HCRTR2: variants seen among roughly 807,000 people sequenced by gnomAD.
HCRTR2 encodes the protein orexin receptor type 2.
HCRTR2 carries 22 observed loss-of-function variants against 49.0 expected under a neutral mutation model. The observed-to-expected ratio is 0.45, with a 90% confidence interval of 0.32 to 0.64. The LOEUF (loss-of-function observed/expected upper bound fraction) is 0.64, where lower values mean the gene tolerates loss of function less well. Among genes scored for constraint, HCRTR2 ranks in the 30% least tolerant of loss-of-function variants. The probability of loss-of-function intolerance (pLI) is 0.04; values close to 1 mark genes in which losing one functional copy is unlikely to be tolerated. For synonymous variants in HCRTR2, 236 were observed against 205.3 expected (o/e 1.15, Z -1.28); for missense variants, 491 against 559.4 (o/e 0.88, Z 1.23).
chr6:55,210,124 T>A (rs1259734427), intron 1 of HCRTR2, among the ~76,000 whole-genome samples: 1 of 152,176 alleles, frequency 6.6e-6, no homozygotes, highest in Non-Finnish European at 1.5e-5. Context: ...AAACTCAGTA[T>A]GGCCACTTTT....
chr6:55,186,271 C>T (rs1310163154), intron 1 of HCRTR2, among the ~76,000 whole-genome samples: 1 of 152,094 alleles, frequency 6.6e-6, no homozygotes, highest in Non-Finnish European at 1.5e-5. Context: ...CATATAAGTA[C>T]ATTTTTTAAA....
chr6:55,217,353 C>T (rs575181584), intron 1 of HCRTR2, among the ~76,000 whole-genome samples: 43 of 152,326 alleles, frequency 2.8e-4, no homozygotes, highest in African/African-American at 1.0e-3. Flanking sequence ...CTTTTCAAAT[C>T]ATTTTGCTGT....
chr6:55,144,287 T>C (rs1056121868), intron 1 of HCRTR2, among the ~76,000 whole-genome samples: 1 of 150,126 alleles, frequency 6.7e-6, no homozygotes, highest in African/African-American at 2.5e-5. Flanking sequence ...TAATTTTGTA[T>C]TTTTTTTTAG....
rs1283986247 is a variant in HCRTR2 at position 55,277,569 on chromosome 6, C to G, written c.952C>G (p.Leu318Val). 1 of 1,613,292 alleles carries G rather than the reference C, an allele frequency of 6.2e-7. No homozygotes were observed. The change falls in exon 5 of 7, where the codon CTA (leucine) becomes GTA (valine). Residue 318 changes from leucine to valine, a missense_variant. Physicochemically the swap from Leu to Val is conservative, Grantham distance 32. Coordinates refer to ENST00000370862, the MANE Select transcript of HCRTR2 (RefSeq NM_001384272.1). ...GCTTTTGGTATTTGCAATTTGCTAT[C>G]TACCAATTAGCATCCTCAATGTGCT... The part of the protein sequence containing the change: ...IVLLVFAICY[L>V]PISILNVLKR...
At chr6:55,256,641 A>G (rs1255976639) in intron 3 of HCRTR2, among the ~76,000 whole-genome samples, 1 of 150,922 alleles carries the variant, frequency 6.6e-6, no homozygotes, top group Non-Finnish European at 1.5e-5. Flanking sequence ...TTTTTGCTGT[A>G]TTTTTCTCTG....
intron 1 of HCRTR2, among the ~76,000 whole-genome samples, chr6:55,118,655 G>A (rs1447764638): frequency 6.6e-6 from 1 of 151,678 alleles, no homozygotes; most frequent in Non-Finnish European, 1.5e-5. Context: ...TGATTATTGA[G>A]GATGAGCTTT....
intron 1 of HCRTR2, among the ~76,000 whole-genome samples, chr6:55,131,809 G>C (rs1764358221): frequency 6.6e-6 from 1 of 151,688 alleles, no homozygotes; most frequent in South Asian, 2.1e-4. Context: ...TTAAGTATTT[G>C]TCATGCCAAT....
At chr6:55,151,489 G>A (rs1764664149) in intron 1 of HCRTR2, among the ~76,000 whole-genome samples, 1 of 151,898 alleles carries the variant, frequency 6.6e-6, no homozygotes, top group Admixed American at 6.6e-5. Flanking sequence ...TCATGAGATT[G>A]TAGTAATTCA....
At chr6:55,269,838 A>T (rs1766937994) in intron 4 of HCRTR2, among the ~76,000 whole-genome samples, 1 of 152,028 alleles carries the variant, frequency 6.6e-6, no homozygotes, top group Non-Finnish European at 1.5e-5. Flanking sequence ...GCAGTGCAAG[A>T]CTATAATCCC....
chr6:55,149,022 A>T (rs1561987244), intron 1 of HCRTR2, among the ~76,000 whole-genome samples: 1 of 152,104 alleles, frequency 6.6e-6, no homozygotes, highest in Non-Finnish European at 1.5e-5. Flanking sequence ...TTTCACTCAA[A>T]ACATTTGCAT....
chr6:55,232,100 G>A (rs947588093), intron 1 of HCRTR2, among the ~76,000 whole-genome samples: 8 of 151,828 alleles, frequency 5.3e-5, no homozygotes, highest in African/African-American at 1.9e-4. Context: ...ACAAACATTT[G>A]GCTTCAACCT....
chr6:55,232,228 G>A (rs1766129235), intron 1 of HCRTR2, among the ~76,000 whole-genome samples: 1 of 152,112 alleles, frequency 6.6e-6, no homozygotes. Context: ...TCACTGGGGT[G>A]TGAATATTAG....
At chr6:55,151,540 C>T (rs963587237) in intron 1 of HCRTR2, among the ~76,000 whole-genome samples, 1 of 151,934 alleles carries the variant, frequency 6.6e-6, no homozygotes, top group African/African-American at 2.4e-5. Context: ...ATTTCTTTTG[C>T]TATTTCTACC....
chr6:55,126,745 G>A (rs1201443888), intron 1 of HCRTR2, among the ~76,000 whole-genome samples: 1 of 152,172 alleles, frequency 6.6e-6, no homozygotes, highest in Non-Finnish European at 1.5e-5. Flanking sequence ...CCTGACTGGG[G>A]CTGCTGCCTT....
At chr6:55,243,461 C>T (rs1039652531) in intron 1 of HCRTR2, among the ~76,000 whole-genome samples, 2 of 152,158 alleles carry the variant, frequency 1.3e-5, no homozygotes, top group African/African-American at 4.8e-5. Context: ...TACTTTATGT[C>T]TAAGAGAATA....
At chr6:55,119,726 T>C (rs1314999582) in intron 1 of HCRTR2, among the ~76,000 whole-genome samples, 1 of 152,104 alleles carries the variant, frequency 6.6e-6, no homozygotes, top group Non-Finnish European at 1.5e-5. Context: ...GGTTGCCTGT[T>C]CACTCTGATG....
intron 2 of HCRTR2, among the ~76,000 whole-genome samples, chr6:55,254,126 C>G (rs1051219260): frequency 1.3e-5 from 2 of 151,660 alleles, no homozygotes; most frequent in Non-Finnish European, 2.9e-5. Flanking sequence ...AGAAGCAGTC[C>G]CTCCTACCAC....
chr6:55,136,932 G>A (rs924685490), intron 1 of HCRTR2, among the ~76,000 whole-genome samples: 3 of 152,088 alleles, frequency 2.0e-5, no homozygotes, highest in Non-Finnish European at 4.4e-5. Flanking sequence ...GCTGATACAG[G>A]GGTAGAGGGC....
At chr6:55,217,528 T>C (rs1039983408) in intron 1 of HCRTR2, among the ~76,000 whole-genome samples, 1 of 152,182 alleles carries the variant, frequency 6.6e-6, no homozygotes, top group Non-Finnish European at 1.5e-5. Context: ...TCTGGCCTTC[T>C]ACACAGCCCT....
Sources: allele counts gnomAD v4.1 joint callset (sites outside exome capture counted in the v4.1 genomes callset), GRCh38; gene constraint gnomAD v4.1.1; transcripts MANE v1.5; gene names NCBI Gene and HGNC (gene_info 2026-07-23, HGNC 2026-07-21).